SLC2A13: variants seen among roughly 807,000 people sequenced by gnomAD.
SLC2A13 encodes proton myo-inositol cotransporter.
Under a neutral mutation model 64.4 loss-of-function variants are expected in SLC2A13, and 32 were observed. The ratio of observed to expected loss-of-function variants is 0.50; its 90% CI spans 0.37 to 0.67. The LOEUF is 0.67. SLC2A13 is among the 30% of genes least tolerant of loss of function. SLC2A13 has a pLI of 0.00. For missense variants in SLC2A13, 743 were observed against 829.2 expected (o/e 0.90, Z 1.28); for synonymous variants, 338 against 327.1 (o/e 1.03, Z -0.36).
chr12:39,943,743 C>G (rs1177123471), intron 4 of SLC2A13, among the ~76,000 whole-genome samples: 1 of 152,192 alleles, frequency 6.6e-6, no homozygotes, highest in South Asian at 2.1e-4. Flanking sequence ...AGCAGGGAAG[C>G]CATGAGGGAC....
Position 40,105,864 on chromosome 12 carries a change from G to C in SLC2A13, c.-56C>G. 7.5e-7 allele frequency: 1 copy of C among 1,335,476 alleles called. No homozygotes were observed. Among genetic ancestry groups the C allele is most frequent in the African/African-American group, 1.5e-5 (1 of 65,124 alleles). 82.7% of individuals were successfully genotyped at this position (1,335,476 alleles called of 1,614,324 possible). A position where few individuals can be genotyped will look rare whatever the true frequency, so the allele number is the denominator to read the frequency against. On this transcript the variant is annotated 5_prime_UTR_variant, in exon 1 of 10. Transcript: ENST00000280871. The surrounding 1 kb of genome is among the most constrained non-coding windows in gnomAD (Gnocchi z 4.2). ...CGCGGCTCCGCGGGCCGGCAGTCTC[G>C]GCGAGCTAGACAGCCCGAGCCGGCG...
intron 7 of SLC2A13, among the ~76,000 whole-genome samples, chr12:39,781,818 A>G (rs997152704): frequency 8.5e-5 from 13 of 152,228 alleles, no homozygotes; most frequent in African/African-American, 3.1e-4. Flanking sequence ...GACAAAAGTT[A>G]GTGGGTGGGC....
At chr12:39,813,995 A>T (rs574904783) in intron 7 of SLC2A13, among the ~76,000 whole-genome samples, 7 of 152,332 alleles carry the variant, frequency 4.6e-5, no homozygotes, top group African/African-American at 1.7e-4. Flanking sequence ...GTGATTTCGT[A>T]TATTACTTCA....
At chr12:40,031,470 C>T (rs1202796815) in intron 2 of SLC2A13, among the ~76,000 whole-genome samples, 1 of 152,210 alleles carries the variant, frequency 6.6e-6, no homozygotes, top group Admixed American at 6.5e-5. Flanking sequence ...ATCCGCCCAC[C>T]TTGGCCTCCC....
Position 40,062,438 on chromosome 12 carries a change from G to A in SLC2A13, c.557-14228C>T, listed in dbSNP as rs552690992. Among the ~76,000 whole-genome samples the A allele has an allele frequency of 2.6e-5, 4 of 151,892 alleles. No individual in the cohort carries two copies. In the East Asian group the frequency reaches 7.7e-4, roughly 29 times the overall value. ...TCCATCACTTGTGAACATGGATACTGATGTAAAGAAGTACTAATTATTTGC... is the reference window on the plus strand; with the variant it reads ...TCCATCACTTGTGAACATGGATACTAATGTAAAGAAGTACTAATTATTTGC... On this transcript the variant is annotated intron_variant, in intron 1 of 9. Transcript: ENST00000280871.
intron 3 of SLC2A13, among the ~76,000 whole-genome samples, chr12:39,957,646 T>G (rs1946339733): frequency 6.6e-6 from 1 of 152,226 alleles, no homozygotes; most frequent in East Asian, 1.9e-4. Context: ...ACACTCATTT[T>G]GGGACAAATT....
At chr12:39,803,577 C>T (rs992931014) in intron 7 of SLC2A13, among the ~76,000 whole-genome samples, 3 of 151,922 alleles carry the variant, frequency 2.0e-5, no homozygotes, top group Admixed American at 1.3e-4. Flanking sequence ...CATACACACA[C>T]ATATATATAT....
chr12:40,042,096 GT>G (rs1325665421), intron 2 of SLC2A13, among the ~76,000 whole-genome samples: 1 of 152,132 alleles, frequency 6.6e-6, no homozygotes, highest in Non-Finnish European at 1.5e-5. Flanking sequence ...TCCTATAGAG[GT>G]TCCCAGGACT....
chr12:39,786,541 A>G (rs1216433183), intron 7 of SLC2A13, among the ~76,000 whole-genome samples: 1 of 152,180 alleles, frequency 6.6e-6, no homozygotes, highest in Admixed American at 6.6e-5. Context: ...AGAGGGTTTC[A>G]AGGTATCTGG....
chr12:39,772,226 T>C (rs1940607641), intron 7 of SLC2A13, among the ~76,000 whole-genome samples: 1 of 152,172 alleles, frequency 6.6e-6, no homozygotes, highest in South Asian at 2.1e-4. Context: ...CATGAGTTTG[T>C]ATCTCAGTTC....
chr12:39,934,289 G>A (rs1388571935), intron 4 of SLC2A13, among the ~76,000 whole-genome samples: 1 of 152,204 alleles, frequency 6.6e-6, no homozygotes, highest in Admixed American at 6.5e-5. Context: ...CTAATTGTCA[G>A]CTTTCTTTTC....
chr12:40,024,958 C>T (rs1255533016), intron 3 of SLC2A13, among the ~76,000 whole-genome samples: 1 of 152,230 alleles, frequency 6.6e-6, no homozygotes, highest in African/African-American at 2.4e-5. Flanking sequence ...CTGTCTCCCA[C>T]TCCAGCGAGC....
chr12:40,035,374 T>C (rs1347155667), intron 2 of SLC2A13, among the ~76,000 whole-genome samples: 1 of 152,184 alleles, frequency 6.6e-6, no homozygotes, highest in African/African-American at 2.4e-5. Context: ...GCAACTTACT[T>C]GGTAACATAT....
At chr12:40,083,361 C>T (rs1426819563) in intron 1 of SLC2A13, among the ~76,000 whole-genome samples, 3 of 152,182 alleles carry the variant, frequency 2.0e-5, no homozygotes, top group East Asian at 1.9e-4. Flanking sequence ...AACTTAATCC[C>T]TTACACTGTT....
intron 3 of SLC2A13, among the ~76,000 whole-genome samples, chr12:39,979,062 C>G (rs1055074719): frequency 6.6e-6 from 1 of 152,030 alleles, no homozygotes; most frequent in Admixed American, 6.6e-5. Flanking sequence ...AGCAGCGGCA[C>G]ACTGACACCT....
chr12:39,760,168 A>G lies in SLC2A13; in HGVS notation c.1805T>C (p.Leu602Ser). The change falls in exon 10 of 10, where the codon TTA becomes TCA. Residue 602 changes from leucine (L) to serine (S), a missense_variant. By Grantham distance (145) the Leu-to-Ser change is moderately radical (BLOSUM62 -2). Coordinates refer to ENST00000280871, the MANE Select transcript of SLC2A13 (RefSeq NM_052885.4). ...GCLPETKGKKLEEIESLFDNR... is the reference protein window; with the variant it reads ...GCLPETKGKKSEEIESLFDNR... The stretch of plus-strand genomic sequence containing the variant: ...GTCAAAGAGTGATTCAATTTCCTCT[A>G]ATTTTTTGCCTTTGGTCTCAGGAAG... 1 of 1,612,962 alleles carries G rather than the reference A, an allele frequency of 6.2e-7. No homozygotes were observed. The highest frequency in any genetic ancestry group is 8.5e-7 in the Non-Finnish European group (1 of 1,179,370).
chr12:39,898,530 A>G (rs1317317492), intron 4 of SLC2A13, among the ~76,000 whole-genome samples: 1 of 152,124 alleles, frequency 6.6e-6, no homozygotes, highest in Non-Finnish European at 1.5e-5. Flanking sequence ...ACAGATTACT[A>G]TTCCTTCAGC....
intron 7 of SLC2A13, among the ~76,000 whole-genome samples, chr12:39,765,338 A>G (rs1940308299): frequency 1.3e-5 from 2 of 152,020 alleles, no homozygotes; most frequent in Non-Finnish European, 2.9e-5. Context: ...ATTCTATCTG[A>G]TTCCAAATAG....
intron 3 of SLC2A13, among the ~76,000 whole-genome samples, chr12:40,003,500 A>C (rs1268146089): frequency 6.6e-6 from 1 of 152,178 alleles, no homozygotes; most frequent in Admixed American, 6.5e-5. Context: ...TCTTGAATCT[A>C]TAAATCTAAG....
Sources: gnomAD v4.1 joint callset for allele counts (sites outside exome capture counted in the v4.1 genomes callset) on GRCh38, gnomAD v4.1.1 for gene constraint, Gnocchi (gnomAD v3.1) non-coding constraint, MANE v1.5 for transcripts, NCBI Gene and HGNC (gene_info 2026-07-23, HGNC 2026-07-21) for gene names.